Variants in CDKAL1 observed in about 807,000 individuals in gnomAD.
CDKAL1 encodes the protein threonylcarbamoyladenosine tRNA methylthiotransferase.
Under a neutral mutation model 68.2 loss-of-function variants are expected in CDKAL1, and 32 were observed. The observed-to-expected ratio is 0.47, with a 90% CI of 0.35 to 0.63. The LOEUF (loss-of-function observed/expected upper bound fraction) is 0.63. CDKAL1 is among the 30% of genes least tolerant of loss of function. The pLI is 0.00. For missense variants in CDKAL1, 606 were observed against 696.7 expected, an observed-to-expected ratio of 0.87 and a Z score of 1.47; for synonymous variants, 234 against 244.3, an observed-to-expected ratio of 0.96 and a Z score of 0.39.
chr6:21,035,332 GAGACA>G (rs1554165069), intron 11 of CDKAL1, among the ~76,000 whole-genome samples: 1 of 152,076 alleles, frequency 6.6e-6, no homozygotes, highest in Non-Finnish European at 1.5e-5. Flanking sequence ...GGAAATCTCT[GAGACA>G]AGACACATCT....
intron 12 of CDKAL1, among the ~76,000 whole-genome samples, chr6:21,089,691 G>T (rs1772895618): frequency 6.6e-6 from 1 of 152,166 alleles, no homozygotes. Context: ...GGAAATAAGC[G>T]TGGAGAAACA....
chr6:20,732,283 T>TTTTTTTTTTTTTG (rs1554112044), intron 5 of CDKAL1, among the ~76,000 whole-genome samples: 1 of 117,488 alleles, frequency 8.5e-6, no homozygotes. Context: ...TTTTTTTTTT[T>TTTTTTTTTTTTTG]TTGTTGTTGT....
chr6:21,067,757 T>C (rs966984869), intron 12 of CDKAL1, among the ~76,000 whole-genome samples: 3 of 152,134 alleles, frequency 2.0e-5, no homozygotes, highest in African/African-American at 7.2e-5. Context: ...GAAATGAAAT[T>C]GATCTGCTTT....
chr6:21,026,855 A>G (rs867070368), intron 11 of CDKAL1, among the ~76,000 whole-genome samples: 1 of 152,066 alleles, frequency 6.6e-6, no homozygotes, highest in Admixed American at 6.6e-5. Flanking sequence ...TATTTTGTCT[A>G]TTTACCATAA....
chr6:20,655,049 GGATT>G (rs1255415064), intron 5 of CDKAL1, among the ~76,000 whole-genome samples: 2 of 152,088 alleles, frequency 1.3e-5, no homozygotes, highest in Non-Finnish European at 2.9e-5. Flanking sequence ...GACTTTTTAA[GGATT>G]GATTCTTTTC....
chr6:20,666,173 A>G (rs981105713), intron 5 of CDKAL1, among the ~76,000 whole-genome samples: 1 of 152,128 alleles, frequency 6.6e-6, no homozygotes, highest in African/African-American at 2.4e-5. Context: ...TAAACAGGCA[A>G]TTTATGAAAG....
chr6:21,153,810 C>G (rs574569271), intron 13 of CDKAL1, among the ~76,000 whole-genome samples: 47 of 152,118 alleles, frequency 3.1e-4, no homozygotes, highest in African/African-American at 1.0e-3. Context: ...CAGAACTAAG[C>G]CAGAAAACAA....
intron 10 of CDKAL1, among the ~76,000 whole-genome samples, chr6:20,972,766 AT>A (rs1188578429): frequency 1.3e-5 from 2 of 152,134 alleles, no homozygotes; most frequent in Non-Finnish European, 2.9e-5. Context: ...AGAACTGAGC[AT>A]TGTTGATTGT....
chr6:20,933,714 G>A (rs979504690), intron 9 of CDKAL1, among the ~76,000 whole-genome samples: 13 of 152,116 alleles, frequency 8.5e-5, no homozygotes, highest in South Asian at 8.3e-4. Context: ...TAATTACACC[G>A]TCCTTATTTT....
chr6:20,551,867 A>T (rs1304361082), intron 4 of CDKAL1, among the ~76,000 whole-genome samples: 1 of 151,980 alleles, frequency 6.6e-6, no homozygotes, highest in Non-Finnish European at 1.5e-5. Flanking sequence ...TAGTTTGAGT[A>T]TTAAGAAAAT....
intron 13 of CDKAL1, among the ~76,000 whole-genome samples, chr6:21,114,954 A>T (rs990109989): frequency 4.6e-5 from 7 of 152,168 alleles, no homozygotes; most frequent in African/African-American, 1.7e-4. Context: ...CATATCTACT[A>T]GTGTACAGTA....
At chr6:20,867,583 GAC>G (rs10554344) in intron 9 of CDKAL1, among the ~76,000 whole-genome samples, 26,839 of 152,052 alleles carry the variant, frequency 0.18, 2,535 homozygotes, top group East Asian at 0.33. Flanking sequence ...TATTATTAGA[GAC>G]ACAGTATGTT....
intron 10 of CDKAL1, among the ~76,000 whole-genome samples, chr6:20,996,491 G>A (rs1473269674): frequency 1.3e-5 from 2 of 152,134 alleles, no homozygotes; most frequent in Non-Finnish European, 2.9e-5. Flanking sequence ...TTTCAATATT[G>A]TTGTATCTCA....
chr6:20,625,972 A>C (rs1258685283), intron 4 of CDKAL1, among the ~76,000 whole-genome samples: 1 of 152,094 alleles, frequency 6.6e-6, no homozygotes, highest in Non-Finnish European at 1.5e-5. Context: ...CCAGCCATTA[A>C]ATTCTAACTA....
At chr6:20,638,808 A>G (rs1353480368) in intron 4 of CDKAL1, among the ~76,000 whole-genome samples, 3 of 151,846 alleles carry the variant, frequency 2.0e-5, no homozygotes, top group Non-Finnish European at 2.9e-5. Flanking sequence ...TAATTTTTGT[A>G]TTTTTAGTAG....
chr6:20,883,853 C>T (rs1293986670), intron 9 of CDKAL1, among the ~76,000 whole-genome samples: 1 of 151,882 alleles, frequency 6.6e-6, no homozygotes, highest in African/African-American at 2.4e-5. Flanking sequence ...GTAATTGCAC[C>T]CAGTAAAGAA....
chr6:20,894,833 C>A (rs1028327885), intron 9 of CDKAL1, among the ~76,000 whole-genome samples: 3 of 152,184 alleles, frequency 2.0e-5, no homozygotes, highest in East Asian at 3.9e-4. Context: ...CATAGTGAGA[C>A]CCTGTGTTTT....
At chr6:20,558,515 T>C (rs1377086087) in intron 4 of CDKAL1, 2 of 456,590 alleles carry the variant, frequency 4.4e-6, no homozygotes, top group Non-Finnish European at 8.8e-6. Context: ...CTAGACAGAC[T>C]CTTTTTGACC....
At chr6:20,957,026 A>AAAAC (rs1483714951) in intron 10 of CDKAL1, among the ~76,000 whole-genome samples, 4 of 151,664 alleles carry the variant, frequency 2.6e-5, no homozygotes, top group Non-Finnish European at 5.9e-5. Flanking sequence ...AAAAAAAAAA[A>AAAAC]AAAATCAAAT....
Sources: allele counts gnomAD v4.1 joint callset (sites outside exome capture counted in the v4.1 genomes callset), GRCh38; gene constraint gnomAD v4.1.1; transcripts MANE v1.5; gene names NCBI Gene and HGNC (gene_info 2026-07-23, HGNC 2026-07-21).